STMN2: variants seen among roughly 807,000 people sequenced by gnomAD.
The protein encoded by STMN2 is stathmin-2.
In STMN2, 2 loss-of-function variants were observed where a neutral mutation model predicts 24.1. That is an observed-to-expected ratio of 0.08 (90% CI 0.03 to 0.26). The LOEUF (loss-of-function observed/expected upper bound fraction) is 0.26. Ranked by LOEUF, STMN2 falls within the 10% of genes least tolerant of loss-of-function variation. The pLI, the probability that STMN2 is intolerant of heterozygous loss-of-function variation, is 1.00. For synonymous variants in STMN2, 83 were observed against 77.5 expected, an observed-to-expected ratio of 1.07 and a Z score of -0.37; for missense variants, 114 against 213.6, an observed-to-expected ratio of 0.53 and a Z score of 2.91.
At chr8:79,633,147 T>C (rs989073051) in intron 1 of STMN2, among the ~76,000 whole-genome samples, 2 of 152,170 alleles carry the variant, frequency 1.3e-5, no homozygotes, top group African/African-American at 4.8e-5. Context: ...CTGTACCACG[T>C]TAGGAGGAAA....
intron 1 of STMN2, among the ~76,000 whole-genome samples, chr8:79,628,150 T>A (rs1254538110): frequency 6.6e-6 from 1 of 151,952 alleles, no homozygotes; most frequent in Non-Finnish European, 1.5e-5. Context: ...CTAGTAGTTT[T>A]ATTTTTTTTT....
intron 1 of STMN2, among the ~76,000 whole-genome samples, chr8:79,615,691 T>G (rs763531906): frequency 6.6e-5 from 10 of 152,198 alleles, no homozygotes; most frequent in Non-Finnish European, 1.2e-4. Flanking sequence ...TAAAATCTTT[T>G]CTTTTACCAG....
At chr8:79,617,307 C>T (rs1300458419) in intron 1 of STMN2, among the ~76,000 whole-genome samples, 1 of 152,214 alleles carries the variant, frequency 6.6e-6, no homozygotes, top group African/African-American at 2.4e-5. Context: ...GACTGGCTGA[C>T]CATGCAGCCA....
At chr8:79,660,178 C>T (rs1436044139) in intron 4 of STMN2, among the ~76,000 whole-genome samples, 2 of 152,172 alleles carry the variant, frequency 1.3e-5, no homozygotes, top group Non-Finnish European at 2.9e-5. Context: ...CATCAGACAG[C>T]AGGACGATGG....
chr8:79,664,998 AAAAAC>A lies in STMN2; in HGVS notation c.*129_*133del. On this transcript the variant is annotated 3_prime_UTR_variant, in exon 5 of 5. Transcript: ENST00000220876. ...TAAAAAGAACTCATTATAAAAAAAA[AAAAAC>A]AAAAAAAATCAAAAATTAAAAAAAA... The A allele has an allele frequency of 1.1e-6, 1 of 874,526 alleles. No individual in the cohort carries two copies. The highest frequency in any genetic ancestry group is 1.5e-6 in the Non-Finnish European group (1 of 647,130). 54.2% of individuals were successfully genotyped at this position (874,526 alleles called of 1,614,324 possible). A position where few individuals can be genotyped will look rare whatever the true frequency, so the allele number is the denominator to read the frequency against.
chr8:79,620,394 C>T (rs1809485337), intron 1 of STMN2, among the ~76,000 whole-genome samples: 1 of 151,936 alleles, frequency 6.6e-6, no homozygotes, highest in Non-Finnish European at 1.5e-5. Context: ...TATTTGTCTT[C>T]AGTTTAAAGT....
At chr8:79,651,518 A>G (rs1406486342) in intron 3 of STMN2, among the ~76,000 whole-genome samples, 1 of 152,200 alleles carries the variant, frequency 6.6e-6, no homozygotes, top group Non-Finnish European at 1.5e-5. Context: ...AAGTATGGAA[A>G]AGTGGTGTTG....
intron 2 of STMN2, among the ~76,000 whole-genome samples, chr8:79,638,480 T>C (rs1810018306): frequency 6.6e-6 from 1 of 152,228 alleles, no homozygotes. Flanking sequence ...CTGTGCTTCC[T>C]AAAAGAGTCC....
intron 4 of STMN2, among the ~76,000 whole-genome samples, chr8:79,662,051 A>T (rs1362223636): frequency 6.6e-6 from 1 of 152,156 alleles, no homozygotes; most frequent in Non-Finnish European, 1.5e-5. Flanking sequence ...GATTAAAGGG[A>T]CATTAAAAAG....
chr8:79,657,591 G>A (rs1378039923), intron 4 of STMN2, among the ~76,000 whole-genome samples: 7 of 152,078 alleles, frequency 4.6e-5, no homozygotes, highest in East Asian at 1.9e-4. Flanking sequence ...TCTATCCCAC[G>A]TCACATAATG....
At chr8:79,646,526 T>C (rs1810221391) in intron 3 of STMN2, among the ~76,000 whole-genome samples, 1 of 152,132 alleles carries the variant, frequency 6.6e-6, no homozygotes. Context: ...CGGGCAGCTC[T>C]TCTCTGGGAC....
At chr8:79,660,783 T>C (rs1806484981) in intron 4 of STMN2, among the ~76,000 whole-genome samples, 1 of 152,002 alleles carries the variant, frequency 6.6e-6, no homozygotes, top group Non-Finnish European at 1.5e-5. Flanking sequence ...CAATATGTAG[T>C]CTTTCATCCC....
chr8:79,629,869 G>A (rs531872046), intron 1 of STMN2, among the ~76,000 whole-genome samples: 27 of 152,252 alleles, frequency 1.8e-4, no homozygotes, highest in Admixed American at 5.9e-4. Context: ...TATAGATAAA[G>A]TGAATTTTAT....
chr8:79,611,238 C>T (rs1809212628), intron 1 of STMN2, 24 bp downstream of exon 1: 1 of 1,613,730 alleles, frequency 6.2e-7, no homozygotes, highest in African/African-American at 1.3e-5. Context: ...CCTCGTTCTC[C>T]GTCGGCTCTA....
In STMN2 at chr8:79,665,003, C is replaced by A. The variant is rs865960609; in HGVS notation, c.*129C>A. 1,568 of 616,614 alleles carry A rather than the reference C, an allele frequency of 2.5e-3. 3 individuals carry two copies. The highest frequency in any genetic ancestry group is 0.016 in the East Asian group (382 of 24,272). The allele number at this position is 616,614 out of a possible 1,614,324, so 38.2% of individuals were successfully genotyped here. A position where few individuals can be genotyped will look rare whatever the true frequency, so the allele number is the denominator to read the frequency against. ...AGAACTCATTATAAAAAAAAAAAAACAAAAAAAATCAAAAATTAAAAAAAA... is the reference window on the plus strand; with the variant it reads ...AGAACTCATTATAAAAAAAAAAAAAAAAAAAAAATCAAAAATTAAAAAAAA... On this transcript the variant is annotated 3_prime_UTR_variant, in exon 5 of 5. Coordinates refer to ENST00000220876, the MANE Select transcript of STMN2 (RefSeq NM_007029.4).
At chr8:79,624,974 C>A (rs554570921) in intron 1 of STMN2, among the ~76,000 whole-genome samples, 2 of 150,064 alleles carry the variant, frequency 1.3e-5, no homozygotes, top group African/African-American at 4.9e-5. Flanking sequence ...ATGTCCCACG[C>A]ACTTTTTCCT....
intron 1 of STMN2, among the ~76,000 whole-genome samples, chr8:79,614,075 T>G (rs1018737291): frequency 6.6e-6 from 1 of 152,180 alleles, no homozygotes; most frequent in Non-Finnish European, 1.5e-5. Flanking sequence ...TGATACAGCC[T>G]CAATCCTACA....
intron 3 of STMN2, among the ~76,000 whole-genome samples, chr8:79,647,220 A>G (rs1388790410): frequency 6.6e-6 from 1 of 152,208 alleles, no homozygotes; most frequent in African/African-American, 2.4e-5. Flanking sequence ...CATGATTATA[A>G]TCAAAGGAAT....
intron 1 of STMN2, among the ~76,000 whole-genome samples, chr8:79,628,652 A>G (rs531261515): frequency 2.0e-5 from 3 of 152,288 alleles, no homozygotes; most frequent in African/African-American, 7.2e-5. Context: ...TTCCCTGATG[A>G]TTAGTGATCT....
Sources: allele counts gnomAD v4.1 joint callset (sites outside exome capture counted in the v4.1 genomes callset), GRCh38; gene constraint gnomAD v4.1.1; transcripts MANE v1.5; gene names NCBI Gene and HGNC (gene_info 2026-07-23, HGNC 2026-07-21).